SNRPA1: variants seen among roughly 807,000 people sequenced by gnomAD.
SNRPA1 encodes U2 small nuclear ribonucleoprotein A'.
A neutral mutation model predicts 32.3 loss-of-function variants in SNRPA1; 5 were observed. The observed-to-expected ratio is 0.15, with a 90% CI of 0.08 to 0.33. The LOEUF (loss-of-function observed/expected upper bound fraction) is 0.33. SNRPA1 is among the 10% of genes least tolerant of loss of function. The pLI, the probability that SNRPA1 is intolerant of heterozygous loss-of-function variation, is 1.00. For missense variants in SNRPA1, 198 were observed against 311.1 expected (o/e 0.64, Z 2.74); for synonymous variants, 111 against 120.1 (o/e 0.92, Z 0.50).
At chr15:101,284,352 T>G (rs2141306031) in intron 8 of SNRPA1, among the ~76,000 whole-genome samples, 2 of 152,326 alleles carry the variant, frequency 1.3e-5, no homozygotes, top group South Asian at 4.1e-4. Context: ...TGTTCCTAAC[T>G]ACTGAGGTAT....
intron 1 of SNRPA1, 50 bp downstream of exon 1, chr15:101,295,047 A>G: frequency 8.0e-7 from 1 of 1,250,950 alleles, no homozygotes; most frequent in Non-Finnish European, 1.1e-6. Context: ...GCGGAAAATA[A>G]GGCGGCTCGG....
intron 8 of SNRPA1, among the ~76,000 whole-genome samples, chr15:101,282,059 A>G (rs1409873289): frequency 2.0e-5 from 3 of 152,256 alleles, no homozygotes; most frequent in Non-Finnish European, 4.4e-5. Flanking sequence ...TTTTTGGTGA[A>G]GGTAAAGCCT....
At chr15:101,282,111 C>T (rs1226117636) in intron 8 of SNRPA1, among the ~76,000 whole-genome samples, 1 of 152,216 alleles carries the variant, frequency 6.6e-6, no homozygotes, top group Non-Finnish European at 1.5e-5. Flanking sequence ...GGCAAAGAAA[C>T]CGGAAATACT....
chr15:101,284,322 C>T (rs557830011), intron 8 of SNRPA1, among the ~76,000 whole-genome samples: 1 of 152,326 alleles, frequency 6.6e-6, no homozygotes, highest in African/African-American at 2.4e-5. Context: ...GGGCCTCGGA[C>T]TGCTTGGCTC....
chr15:101,285,680 A>C (rs1189349054), intron 7 of SNRPA1, 46 bp downstream of exon 7: 1 of 1,279,670 alleles, frequency 7.8e-7, no homozygotes, highest in Admixed American at 1.7e-5. Context: ...TGTGTTCTGA[A>C]CCCATCTTAG....
chr15:101,284,553 A>G (rs2141306275), intron 8 of SNRPA1, among the ~76,000 whole-genome samples: 1 of 143,968 alleles, frequency 6.9e-6, no homozygotes, highest in South Asian at 2.2e-4. Flanking sequence ...CCCAGGCTGG[A>G]GTACAAAAGT....
chr15:101,294,839 A>T (rs566359480), intron 1 of SNRPA1: 5 of 396,876 alleles, frequency 1.3e-5, no homozygotes, highest in African/African-American at 1.0e-4. Flanking sequence ...GGGCCCCACG[A>T]GGACGCACCA....
intron 8 of SNRPA1, among the ~76,000 whole-genome samples, chr15:101,282,295 C>T (rs1398057101): frequency 6.6e-6 from 1 of 152,216 alleles, no homozygotes; most frequent in East Asian, 1.9e-4. Context: ...GTTGTAACTC[C>T]TTCAATTGTT....
rs180859123 is a variant in SNRPA1, at chr15:101,285,365, A to G, written c.616-305T>C. On this transcript the variant is annotated intron_variant, in intron 7 of 8. Transcript: ENST00000254193. The stretch of plus-strand genomic sequence containing the variant: ...TGTTACTGAATAATTTAAGGAGGCA[A>G]TATTATAAAACGAGGGTCCCTACTG... 1.8e-4 allele frequency among the ~76,000 whole-genome samples: 28 copies of G among 152,350 alleles called. No homozygotes were observed. In the East Asian group the frequency reaches 2.9e-3, roughly 16 times the overall value.
intron 8 of SNRPA1, among the ~76,000 whole-genome samples, chr15:101,283,426 C>T (rs1052477893): frequency 6.6e-6 from 1 of 151,722 alleles, no homozygotes; most frequent in African/African-American, 2.4e-5. Context: ...GTTAGCCATG[C>T]TTGGTGGCGG....
At chr15:101,291,581 T>C (rs1371401627) in intron 3 of SNRPA1, among the ~76,000 whole-genome samples, 2 of 152,084 alleles carry the variant, frequency 1.3e-5, no homozygotes, top group African/African-American at 4.8e-5. Context: ...TTCTAGCACA[T>C]CTCAATTATA....
At chr15:101,281,963 G>T (rs994499119) in intron 8 of SNRPA1, among the ~76,000 whole-genome samples, 181 bp from the exon 9 acceptor site, 3 of 152,232 alleles carry the variant, frequency 2.0e-5, no homozygotes, top group African/African-American at 7.2e-5. Flanking sequence ...TCTTTGGCAG[G>T]TACTGGAAGG....
chr15:101,291,919 T>TCTG, intron 3 of SNRPA1, 43 bp downstream of exon 3: 3 of 1,318,174 alleles, frequency 2.3e-6, no homozygotes, highest in Non-Finnish European at 3.3e-6. Flanking sequence ...CATAGTACCT[T>TCTG]TAACCCCACC....
intron 1 of SNRPA1, 140 bp downstream of exon 1, chr15:101,294,957 G>C: frequency 1.9e-6 from 1 of 515,202 alleles, no homozygotes; most frequent in Admixed American, 4.3e-5. Flanking sequence ...ATCAGGCCCG[G>C]CGTTCCCTGC....
chr15:101,287,584 T>C, intron 4 of SNRPA1, 72 bp downstream of exon 4: 7 of 1,289,412 alleles, frequency 5.4e-6, no homozygotes, highest in Non-Finnish European at 3.4e-6. Flanking sequence ...TCTGATTACA[T>C]TAAGGTCAAG....
intron 8 of SNRPA1, 142 bp downstream of exon 8, chr15:101,284,825 A>G (rs116957468): frequency 5.9e-6 from 4 of 683,148 alleles, no homozygotes; most frequent in African/African-American, 5.3e-5. Context: ...ATCTTCAAAG[A>G]GCATTTAAAG....
At chr15:101,285,990 T>C in intron 6 of SNRPA1, 189 bp from the exon 7 acceptor site, 1 of 630,380 alleles carries the variant, frequency 1.6e-6, no homozygotes, top group Non-Finnish European at 2.8e-6. Flanking sequence ...AGGATGTACA[T>C]GGTATCACAT....
At chr15:101,290,177 A>C (rs1247031015) in intron 3 of SNRPA1, among the ~76,000 whole-genome samples, 3 of 152,188 alleles carry the variant, frequency 2.0e-5, no homozygotes, top group Non-Finnish European at 4.4e-5. Flanking sequence ...TGTATGTATC[A>C]AATAAGGCAA....
At chr15:101,288,743 A>C (rs1452544631) in intron 3 of SNRPA1, among the ~76,000 whole-genome samples, 2 of 152,214 alleles carry the variant, frequency 1.3e-5, no homozygotes, top group Non-Finnish European at 2.9e-5. Flanking sequence ...CGGCCTTTGT[A>C]CAGGAAGAAG....
Sources: gnomAD v4.1 joint callset for allele counts (sites outside exome capture counted in the v4.1 genomes callset) on GRCh38, gnomAD v4.1.1 for gene constraint, MANE v1.5 for transcripts, NCBI Gene and HGNC (gene_info 2026-07-23, HGNC 2026-07-21) for gene names.